The following SVOP variants were observed in gnomAD, a reference collection of about 807,000 sequenced individuals.
SVOP encodes synaptic vesicle 2-related protein.
Under a neutral mutation model 69.1 loss-of-function variants are expected in SVOP, and 17 were observed. The observed-to-expected ratio is 0.25, with a 90% CI of 0.17 to 0.37. The LOEUF (loss-of-function observed/expected upper bound fraction) is 0.37, where lower values mean the gene tolerates loss of function less well. SVOP is among the 10% of genes least tolerant of loss of function. The probability of loss-of-function intolerance (pLI) is 1.00; values close to 1 mark genes in which losing one functional copy is unlikely to be tolerated. For missense variants in SVOP, 435 were observed against 597.5 expected, an observed-to-expected ratio of 0.73 and a Z score of 2.84; for synonymous variants, 238 against 238.6, an observed-to-expected ratio of 1.00 and a Z score of 0.02.
At chr12:108,990,533 T>G (rs2040193823) in intron 1 of SVOP, among the ~76,000 whole-genome samples, 2 of 138,002 alleles carry the variant, frequency 1.4e-5, no homozygotes, top group East Asian at 2.6e-4. Flanking sequence ...GGGGGAGGGA[T>G]AGCATTAGGA....
chr12:108,961,190 G>T, intron 5 of SVOP, 143 bp from the exon 6 acceptor site: 1 of 1,045,134 alleles, frequency 9.6e-7, no homozygotes, highest in Non-Finnish European at 1.3e-6. Context: ...TCTGTATGGG[G>T]AGTGCCAACC....
In SVOP at chr12:108,944,426, C is replaced by G. The variant is rs192109165; in HGVS notation, c.642+677G>C. 2.4e-3 allele frequency among the ~76,000 whole-genome samples: 368 copies of G among 152,244 alleles called. 7 individuals carry two copies. The highest frequency in any genetic ancestry group is 8.6e-3 in the African/African-American group (356 of 41,528). On this transcript the variant is annotated intron_variant, in intron 7 of 15. Transcript: ENST00000610966. ...AGAATGTTGGGCTGTGGGATCAATG[C>G]GATTAACATTGTCAGTGTGGTTAAA...
At chr12:108,946,150 T>C (rs150511181) in intron 6 of SVOP, among the ~76,000 whole-genome samples, 210 of 152,258 alleles carry the variant, frequency 1.4e-3, no homozygotes, top group African/African-American at 4.4e-3. Flanking sequence ...CTTGAGTGCA[T>C]GGTGTGATCA....
At chr12:108,916,938 G>A (rs1044300971) in intron 14 of SVOP, among the ~76,000 whole-genome samples, 1 of 152,164 alleles carries the variant, frequency 6.6e-6, no homozygotes, top group African/African-American at 2.4e-5. Context: ...TTAGGGATGA[G>A]GTTTCACCAT....
At position 108,918,121 on chromosome 12, in the gene SVOP, A is replaced by G; in HGVS notation, c.1272T>C (p.Asn424=). Reference sequence around the variant, plus strand: ...CAATGAAGAGTAACAGAGTGAGCACATTTCTAGGAGGAGGATAAAGGCAGA... The same window carrying G: ...CAATGAAGAGTAACAGAGTGAGCACGTTTCTAGGAGGAGGATAAAGGCAGA... ...SLLLFICVGR[N]VLTLLLFIAR... is the part of the protein sequence containing the mutation. Residue 424 remains asparagine (N), a synonymous_variant, in exon 14 of 16, where the codon AAT becomes AAC. Coordinates refer to ENST00000610966, the MANE Select transcript of SVOP (RefSeq NM_018711.5). The G allele has an allele frequency of 6.4e-7, 1 of 1,563,640 alleles. No homozygotes were observed. The highest frequency in any genetic ancestry group is 8.7e-7 in the Non-Finnish European group (1 of 1,154,336).
At chr12:108,963,304 G>T (rs2040027171) in intron 5 of SVOP, among the ~76,000 whole-genome samples, 1 of 152,088 alleles carries the variant, frequency 6.6e-6, no homozygotes, top group African/African-American at 2.4e-5. Flanking sequence ...AGGAAATTTG[G>T]AAGCCTACCA....
chr12:108,915,657 GTGT>G, intron 15 of SVOP, 123 bp downstream of exon 15: 1 of 932,516 alleles, frequency 1.1e-6, no homozygotes. Flanking sequence ...GTCCTCGGGT[GTGT>G]TGTTATGATA....
In SVOP at chr12:108,915,289, G is replaced by C. The variant is rs562503105; in HGVS notation, c.1440+494C>G. On this transcript the variant is annotated intron_variant, in intron 15 of 15. Transcript: ENST00000610966. ...GGGGTACAAATGACCCCATCCCCAG[G>C]TAGTGAGCCCAGTACCCAATAGGTG... Among the ~76,000 whole-genome samples the C allele has an allele frequency of 7.3e-4, 111 of 152,122 alleles. 1 individual carries two copies. Among genetic ancestry groups the C allele is most frequent in the South Asian group, 3.7e-3 (18 of 4,810 alleles).
At chr12:109,003,704 C>T (rs2040288036) in intron 1 of SVOP, among the ~76,000 whole-genome samples, 1 of 152,184 alleles carries the variant, frequency 6.6e-6, no homozygotes, top group Non-Finnish European at 1.5e-5. Flanking sequence ...AACTCCTGGG[C>T]TCAAGCGATC....
At chr12:108,929,174 T>C (rs2039800609) in intron 11 of SVOP, among the ~76,000 whole-genome samples, 1 of 152,254 alleles carries the variant, frequency 6.6e-6, no homozygotes, top group African/African-American at 2.4e-5. Context: ...AATACGTTCA[T>C]ATGCTTTTCT....
chr12:108,926,580 T>C (rs2039781375), intron 11 of SVOP: 1 of 152,258 alleles, frequency 6.6e-6, no homozygotes, highest in Non-Finnish European at 1.5e-5. Context: ...TGTCTTGTAG[T>C]TGTACCTTTA....
At chr12:108,977,354 G>T (rs1290409907) in intron 4 of SVOP, 44 bp downstream of exon 4, 1 of 1,533,618 alleles carries the variant, frequency 6.5e-7, no homozygotes, top group South Asian at 1.2e-5. Context: ...CACCCCAGGG[G>T]AGCAGAACTG....
chr12:108,973,858 A>G (rs905787874), intron 4 of SVOP, among the ~76,000 whole-genome samples: 1 of 152,184 alleles, frequency 6.6e-6, no homozygotes, highest in Non-Finnish European at 1.5e-5. Flanking sequence ...TTGCTTTTCA[A>G]TGTAAACCCT....
At chr12:108,949,704 T>C (rs182350763) in intron 6 of SVOP, among the ~76,000 whole-genome samples, 99 of 151,994 alleles carry the variant, frequency 6.5e-4, no homozygotes, top group African/African-American at 2.1e-3. Context: ...TTTCCTTCTT[T>C]TTTTTTTTCT....
At chr12:108,921,523 CTG>C (rs2039748348) in intron 12 of SVOP, among the ~76,000 whole-genome samples, 1 of 152,144 alleles carries the variant, frequency 6.6e-6, no homozygotes, top group African/African-American at 2.4e-5. Flanking sequence ...CTGTGGGCAA[CTG>C]GAGCTGAATT....
intron 11 of SVOP, among the ~76,000 whole-genome samples, chr12:108,933,049 T>G (rs1593181730): frequency 1.3e-5 from 2 of 152,026 alleles, no homozygotes; most frequent in East Asian, 3.9e-4. Flanking sequence ...CAGCTAATTT[T>G]TGTACTTATA....
chr12:108,943,980 C>G (rs2039908316), intron 7 of SVOP, among the ~76,000 whole-genome samples: 1 of 151,958 alleles, frequency 6.6e-6, no homozygotes, highest in Non-Finnish European at 1.5e-5. Context: ...CTCCTGGGTT[C>G]AAGCAATTCT....
chr12:108,939,833 A>G (rs1051646384), intron 8 of SVOP, among the ~76,000 whole-genome samples: 13 of 152,170 alleles, frequency 8.5e-5, no homozygotes, highest in African/African-American at 2.9e-4. Context: ...TGAGCAGACT[A>G]TTCCTGGCCA....
intron 5 of SVOP, among the ~76,000 whole-genome samples, chr12:108,967,647 C>A (rs1468434918): frequency 6.6e-6 from 1 of 152,178 alleles, no homozygotes; most frequent in African/African-American, 2.4e-5. Flanking sequence ...GGTTTCTCAA[C>A]CTCAGCACCG....
Sources: gnomAD v4.1 joint callset for allele counts (sites outside exome capture counted in the v4.1 genomes callset) on GRCh38, gnomAD v4.1.1 for gene constraint, MANE v1.5 for transcripts, NCBI Gene and HGNC (gene_info 2026-07-23, HGNC 2026-07-21) for gene names.